Variants in AGBL4 observed in about 807,000 individuals in gnomAD.
The protein encoded by AGBL4 is cytosolic carboxypeptidase 6.
In AGBL4, 58 loss-of-function variants were observed where a neutral mutation model predicts 66.4. That is an observed-to-expected ratio of 0.87 (90% confidence interval 0.71 to 1.09). The LOEUF (loss-of-function observed/expected upper bound fraction) is 1.09. AGBL4 is among the 50% of genes least tolerant of loss of function. The pLI, the probability that AGBL4 is intolerant of heterozygous loss-of-function variation, is 0.00. For missense variants in AGBL4, 579 were observed against 631.0 expected (o/e 0.92, Z 0.88); for synonymous variants, 234 against 222.9 (o/e 1.05, Z -0.44).
At chr1:48,975,284 G>C (rs1659226590) in intron 5 of AGBL4, among the ~76,000 whole-genome samples, 1 of 152,110 alleles carries the variant, frequency 6.6e-6, no homozygotes, top group Admixed American at 6.6e-5. Context: ...TTCTTCTATT[G>C]AATAATCTGT....
intron 2 of AGBL4, among the ~76,000 whole-genome samples, chr1:49,790,987 T>C (rs2147927999): frequency 6.6e-6 from 1 of 152,190 alleles, no homozygotes; most frequent in South Asian, 2.1e-4. Context: ...AATAACAATA[T>C]CCAAAGAATG....
At chr1:49,773,461 C>A (rs1490919496) in intron 2 of AGBL4, among the ~76,000 whole-genome samples, 1 of 152,070 alleles carries the variant, frequency 6.6e-6, no homozygotes, top group Non-Finnish European at 1.5e-5. Flanking sequence ...TAGATGGACC[C>A]TAGGGTGTCA....
chr1:48,786,586 T>C (rs1462341364), intron 6 of AGBL4, among the ~76,000 whole-genome samples: 4 of 152,242 alleles, frequency 2.6e-5, no homozygotes, highest in African/African-American at 9.6e-5. Flanking sequence ...CATTCATGTC[T>C]TAAGTAACTA....
chr1:48,728,188 A>G (rs1316234403), intron 6 of AGBL4: 4 of 711,208 alleles, frequency 5.6e-6, no homozygotes, highest in Non-Finnish European at 9.0e-6. Flanking sequence ...TAAAATTTGC[A>G]TCATAGAATG....
At chr1:48,952,777 T>C (rs1263563359) in intron 5 of AGBL4, among the ~76,000 whole-genome samples, 1 of 152,170 alleles carries the variant, frequency 6.6e-6, no homozygotes, top group Non-Finnish European at 1.5e-5. Flanking sequence ...TCACAGCCTG[T>C]GGGCCACACA....
chr1:49,188,124 A>G (rs1377007889), intron 4 of AGBL4, among the ~76,000 whole-genome samples: 1 of 151,992 alleles, frequency 6.6e-6, no homozygotes. Flanking sequence ...AGTCCATTAA[A>G]CTTCTTTCTT....
At chr1:49,308,865 A>G (rs981393300) in intron 3 of AGBL4, among the ~76,000 whole-genome samples, 1 of 152,142 alleles carries the variant, frequency 6.6e-6, no homozygotes, top group Non-Finnish European at 1.5e-5. Context: ...GCACTGTGTA[A>G]TAGGCCATGT....
intron 3 of AGBL4, among the ~76,000 whole-genome samples, chr1:49,571,420 A>C (rs1223404236): frequency 3.3e-5 from 5 of 152,018 alleles, no homozygotes; most frequent in African/African-American, 4.8e-5. Flanking sequence ...TCGTACATCA[A>C]TTTTGTATCC....
At chr1:49,268,407 T>TC (rs1413252386) in intron 3 of AGBL4, 1 of 97,960 alleles carries the variant, frequency 1.0e-5, no homozygotes. Flanking sequence ...TTTTTTTTTT[T>TC]AAACACACAC....
At chr1:48,998,616 A>T (rs1251388754) in intron 5 of AGBL4, among the ~76,000 whole-genome samples, 2 of 152,146 alleles carry the variant, frequency 1.3e-5, no homozygotes, top group African/African-American at 2.4e-5. Flanking sequence ...TCTTTCAATC[A>T]TCTAGAACCC....
At chr1:48,586,653 C>A in intron 11 of AGBL4, 1 of 256,644 alleles carries the variant, frequency 3.9e-6, no homozygotes, top group Non-Finnish European at 7.6e-6. Context: ...CCTCAGCAAC[C>A]CTGGGGATGG....
chr1:49,301,208 C>A (rs528242202), intron 3 of AGBL4, among the ~76,000 whole-genome samples: 1 of 152,322 alleles, frequency 6.6e-6, no homozygotes, highest in East Asian at 1.9e-4. Flanking sequence ...TGATTCTGGG[C>A]TGTGGGACAA....
At chr1:49,627,616 T>C (rs1645489543) in intron 3 of AGBL4, among the ~76,000 whole-genome samples, 1 of 152,188 alleles carries the variant, frequency 6.6e-6, no homozygotes, top group Non-Finnish European at 1.5e-5. Flanking sequence ...CCCTGGCTGA[T>C]AGGATGATTT....
At chr1:48,679,572 C>A (rs1310109508) in intron 6 of AGBL4, among the ~76,000 whole-genome samples, 1 of 152,026 alleles carries the variant, frequency 6.6e-6, no homozygotes, top group Non-Finnish European at 1.5e-5. Context: ...TTTTAATTCT[C>A]ACAACCACCC....
chr1:49,145,349 A>T (rs941158172), intron 4 of AGBL4, among the ~76,000 whole-genome samples: 2 of 152,138 alleles, frequency 1.3e-5, no homozygotes, highest in African/African-American at 4.8e-5. Context: ...AGTTTGTTGA[A>T]CTTGAAAAGT....
At chr1:49,685,118 A>G (rs1571325382) in intron 3 of AGBL4, among the ~76,000 whole-genome samples, 1 of 152,248 alleles carries the variant, frequency 6.6e-6, no homozygotes, top group Non-Finnish European at 1.5e-5. Context: ...GTCCACATGT[A>G]TTCAATATTT....
intron 5 of AGBL4, among the ~76,000 whole-genome samples, chr1:48,998,738 G>A (rs1456357444): frequency 6.6e-6 from 1 of 152,236 alleles, no homozygotes; most frequent in Non-Finnish European, 1.5e-5. Context: ...CTGGCTGCCA[G>A]TGTAGACTGC....
intron 9 of AGBL4, 139 bp from the exon 10 acceptor site, chr1:48,591,124 C>A: frequency 2.6e-6 from 2 of 768,592 alleles, no homozygotes; most frequent in Non-Finnish European, 1.9e-6. Flanking sequence ...ATCAAGCTGA[C>A]CCTGTGTGTC....
chr1:49,811,859 T>G (rs1645110084), intron 2 of AGBL4, among the ~76,000 whole-genome samples: 1 of 152,158 alleles, frequency 6.6e-6, no homozygotes, highest in African/African-American at 2.4e-5. Flanking sequence ...ACGTAAATAC[T>G]TCATCAAAAA....
Sources: allele counts gnomAD v4.1 joint callset (sites outside exome capture counted in the v4.1 genomes callset), GRCh38; gene constraint gnomAD v4.1.1; transcripts MANE v1.5; gene names NCBI Gene and HGNC (gene_info 2026-07-23, HGNC 2026-07-21).